DNAJB9: variants seen among roughly 807,000 people sequenced by gnomAD.
DNAJB9 encodes DnaJ heat shock protein family (Hsp40) member B9, also known as dnaJ homolog subfamily B member 9.
DNAJB9 carries 12 observed loss-of-function variants against 19.2 expected under a neutral mutation model. The observed-to-expected ratio is 0.62, with a 90% confidence interval of 0.40 to 1.01. The LOEUF (loss-of-function observed/expected upper bound fraction) is 1.01. DNAJB9 is among the 50% of genes least tolerant of loss of function. The probability of loss-of-function intolerance (pLI) is 0.00; values close to 1 mark genes in which losing one functional copy is unlikely to be tolerated. For missense variants in DNAJB9, 272 were observed against 261.1 expected, an observed-to-expected ratio of 1.04 and a Z score of -0.29; for synonymous variants, 83 against 84.0, an observed-to-expected ratio of 0.99 and a Z score of 0.07.
rs778012425 is a variant in DNAJB9 at position 108,571,756 on chromosome 7, T to C, written c.30T>C (p.Phe10=). The change falls in exon 2 of 3, where the codon TTT becomes TTC. Residue 10 remains phenylalanine, a synonymous_variant. Transcript: ENST00000249356. ...CTACTCCCCAGTCAATTTTCATCTT[T>C]GCAATCTGCATTTTAATGATAACAG... The part of the protein sequence containing the change: MATPQSIFI[F]AICILMITEL... The C allele has an allele frequency of 1.2e-6, 2 of 1,614,036 alleles. No homozygotes were observed. Among genetic ancestry groups the C allele is most frequent in the African/African-American group, 1.3e-5 (1 of 74,936 alleles).
intron 1 of DNAJB9, among the ~76,000 whole-genome samples, chr7:108,570,326 G>C (rs560801666): frequency 6.6e-6 from 1 of 152,268 alleles, no homozygotes; most frequent in South Asian, 2.1e-4. Context: ...TTAGAGCCCG[G>C]GTCTCGGGCA....
Position 108,571,968 on chromosome 7 carries a change from T to A in DNAJB9, c.217+25T>A, listed in dbSNP as rs754895644. ...GGTAAATAAATGACAATCTCTGAAG[T>A]GTCATGGGTATTAACTAGTAAGGAG... On this transcript the variant is annotated intron_variant, in intron 2 of 2. Transcript: ENST00000249356. The A allele has an allele frequency of 2.5e-6, 4 of 1,608,160 alleles. No homozygotes were observed. The East Asian group carries it at 8.9e-5, about 36-fold the overall frequency.
At chr7:108,572,114 C>G in intron 2 of DNAJB9, 171 bp downstream of exon 2, 1 of 576,622 alleles carries the variant, frequency 1.7e-6, no homozygotes, top group Non-Finnish European at 3.0e-6. Context: ...TGCTTTGATT[C>G]CTGAATAAAT....
rs575130641 is a variant in DNAJB9, at chr7:108,574,616, T to A, written c.*1263T>A. On this transcript the variant is annotated 3_prime_UTR_variant, in exon 3 of 3. Transcript: ENST00000249356. ...AATTTTGATAGCTTGAAGATCTTTTTAATTATAATTTTGTTGTATTTGTTT... is the reference window on the plus strand; with the variant it reads ...AATTTTGATAGCTTGAAGATCTTTTAAATTATAATTTTGTTGTATTTGTTT... 56 of 152,350 alleles carry A rather than the reference T, an allele frequency of 3.7e-4. 1 individual carries two copies. The highest frequency in any genetic ancestry group is 1.2e-3 in the East Asian group (6 of 5,192). 9.4% of individuals were successfully genotyped at this position (152,350 alleles called of 1,614,324 possible).
chr7:108,571,835 G>C lies in DNAJB9; in HGVS notation c.109G>C (p.Ala37Pro). The C allele has an allele frequency of 6.2e-7, 1 of 1,614,094 alleles. No homozygotes were observed. The highest frequency in any genetic ancestry group is 8.5e-7 in the Non-Finnish European group (1 of 1,180,008). ...TGATATCTTAGGTGTGCCAAAATCG[G>C]CATCAGAGCGCCAAATCAAGAAGGC... ...YYDILGVPKSASERQIKKAFH... is the reference protein window; with the variant it reads ...YYDILGVPKSPSERQIKKAFH... The change falls in exon 2 of 3, where the codon GCA becomes CCA. Residue 37 changes from alanine to proline, a missense_variant. Ala to Pro is a conservative substitution (Grantham distance 27). Transcript: ENST00000249356.
Position 108,574,703 on chromosome 7 carries a change from G to C in DNAJB9, c.*1350G>C, listed in dbSNP as rs1006658736. On this transcript the variant is annotated 3_prime_UTR_variant, in exon 3 of 3. Transcript: ENST00000249356. ...CTTTAGGCGTGGTTGAGAAAAAGCA[G>C]AAACTTTACATAAAGCTGTATTTCT... The C allele has an allele frequency of 2.0e-5, 3 of 152,140 alleles. No homozygotes were observed. The highest frequency in any genetic ancestry group is 4.4e-5 in the Non-Finnish European group (3 of 68,002). 9.4% of individuals were successfully genotyped at this position (152,140 alleles called of 1,614,324 possible).
In DNAJB9 at chr7:108,573,250, T is replaced by C. The variant is rs1790647900; in HGVS notation, c.569T>C (p.Val190Ala). ...TTTGACTCTACCAATCAGCATACAGTACAGACTGAAAATAGATTTCATGGA... is the reference window on the plus strand; with the variant it reads ...TTTGACTCTACCAATCAGCATACAGCACAGACTGAAAATAGATTTCATGGA... ...SGFDSTNQHT[V>A]QTENRFHGSS... Residue 190 changes from valine to alanine, a missense_variant, in exon 3 of 3, where the codon GTA becomes GCA. Transcript: ENST00000249356. The C allele has an allele frequency of 2.5e-6, 4 of 1,613,852 alleles. No individual in the cohort carries two copies. Among genetic ancestry groups the C allele is most frequent in the Admixed American group, 1.7e-5 (1 of 59,990 alleles).
rs755504350 is a variant in DNAJB9, at chr7:108,573,111, C to T, written c.430C>T (p.Arg144Cys). ...GCGTTTTGAAAATCATTTCCAGACA[C>T]GCCAGGATGGTGGTTCCAGTAGACA... Reference protein sequence around the residue: ...KKRFENHFQTRQDGGSSRQRH... With the variant: ...KKRFENHFQTCQDGGSSRQRH... Residue 144 changes from arginine (R) to cysteine (C), a missense_variant, in exon 3 of 3, where the codon CGC (arginine) becomes TGC (cysteine). Coordinates refer to ENST00000249356, the MANE Select transcript of DNAJB9 (RefSeq NM_012328.3). The T allele has an allele frequency of 2.8e-5, 45 of 1,614,022 alleles. No individual in the cohort carries two copies. Among genetic ancestry groups the T allele is most frequent in the Middle Eastern group, 1.7e-4 (1 of 6,060 alleles).
chr7:108,569,938 G>C lies in DNAJB9; in HGVS notation c.-176G>C, dbSNP rs1352641466. On this transcript the variant is annotated 5_prime_UTR_variant, in exon 1 of 3. Coordinates refer to ENST00000249356, the MANE Select transcript of DNAJB9 (RefSeq NM_012328.3). Reference sequence around the variant, plus strand: ...GCTGGCTGAGAGGGGACTGGGCGCCGGCGGGGAAGGAGGAGCGCTAGGTCG... The same window carrying C: ...GCTGGCTGAGAGGGGACTGGGCGCCCGCGGGGAAGGAGGAGCGCTAGGTCG... 3.7e-5 allele frequency: 13 copies of C among 354,752 alleles called. No homozygotes were observed. Among genetic ancestry groups the C allele is most frequent in the African/African-American group, 2.5e-4 (12 of 48,432 alleles). The allele number at this position is 354,752 out of a possible 1,614,324, so 22.0% of individuals were successfully genotyped here.
intron 1 of DNAJB9, 92 bp from the exon 2 acceptor site, chr7:108,571,625 C>A: frequency 1.0e-6 from 1 of 974,456 alleles, no homozygotes; most frequent in Non-Finnish European, 1.5e-6. Context: ...TTTGATACTG[C>A]ATTAGGTTTA....
At position 108,573,274 on chromosome 7, in the gene DNAJB9, G is replaced by T; in HGVS notation, c.593G>T (p.Gly198Val). Reference sequence around the variant, plus strand: ...GTACAGACTGAAAATAGATTTCATGGATCTAGCAAGCACTGCAGGACTGTC... The same window carrying T: ...GTACAGACTGAAAATAGATTTCATGTATCTAGCAAGCACTGCAGGACTGTC... ...HTVQTENRFH[G>V]SSKHCRTVTQ... Residue 198 changes from glycine (G) to valine (V), a missense_variant, in exon 3 of 3, where the codon GGA (glycine) becomes GTA (valine). Gly to Val is a moderately radical substitution (Grantham distance 109). Transcript: ENST00000249356. 1 of 1,613,772 alleles carries T rather than the reference G, an allele frequency of 6.2e-7. No homozygotes were observed. Among genetic ancestry groups the T allele is most frequent in the African/African-American group, 1.3e-5 (1 of 75,044 alleles).
chr7:108,571,247 A>G lies in DNAJB9; in HGVS notation c.-10-470A>G, dbSNP rs1031893038. Among the ~76,000 whole-genome samples, 7 of 151,556 alleles carry G rather than the reference A, an allele frequency of 4.6e-5. No homozygotes were observed. In the East Asian group the frequency reaches 1.4e-3, roughly 29 times the overall value. Reference sequence around the variant, plus strand: ...GAATTTTTGGAGCGAGATTAATAATACTAATTTAGATATACTGGGCTATTT... The same window carrying G: ...GAATTTTTGGAGCGAGATTAATAATGCTAATTTAGATATACTGGGCTATTT... On this transcript the variant is annotated intron_variant, in intron 1 of 2. Coordinates refer to ENST00000249356, the MANE Select transcript of DNAJB9 (RefSeq NM_012328.3).
chr7:108,570,306 G>C (rs147451091), intron 1 of DNAJB9, among the ~76,000 whole-genome samples: 2 of 152,082 alleles, frequency 1.3e-5, no homozygotes, highest in Admixed American at 1.3e-4. Context: ...CGGCTTTCAC[G>C]GGCGCCGGAT....
rs1790643363 is a variant in DNAJB9 at position 108,573,034 on chromosome 7, T to C, written c.353T>C (p.Leu118Ser). 5 of 1,614,074 alleles carry C rather than the reference T, an allele frequency of 3.1e-6. No individual in the cohort carries two copies. The highest frequency in any genetic ancestry group is 3.4e-6 in the Non-Finnish European group (4 of 1,179,946). ...EQSFNFNFDD[L>S]FKDFGFFGQN... ...TCATTTAACTTCAATTTTGATGACT[T>C]ATTTAAAGACTTTGGCTTTTTTGGT... is the stretch of plus-strand genomic sequence containing the variant. The change falls in exon 3 of 3, where the codon TTA (leucine) becomes TCA (serine). Residue 118 changes from leucine to serine, a missense_variant. By Grantham distance (145) the Leu-to-Ser change is moderately radical (BLOSUM62 -2). Coordinates refer to ENST00000249356, the MANE Select transcript of DNAJB9 (RefSeq NM_012328.3).
rs1171946131 is a variant in DNAJB9 at position 108,572,922 on chromosome 7, A to G, written c.241A>G (p.Asn81Asp). 13 of 1,608,350 alleles carry G rather than the reference A, an allele frequency of 8.1e-6. No individual in the cohort carries two copies. The highest frequency in any genetic ancestry group is 1.0e-5 in the Non-Finnish European group (12 of 1,176,322). ...AEAYETLSDA[N>D]RRKEYDTLGH... ...AGCATATGAAACACTCTCAGATGCT[A>G]ATAGACGAAAAGAGTATGATACACT... Residue 81 changes from asparagine (N) to aspartate (D), a missense_variant, in exon 3 of 3, where the codon AAT (asparagine) becomes GAT (aspartate). Coordinates refer to ENST00000249356, the MANE Select transcript of DNAJB9 (RefSeq NM_012328.3).
At position 108,573,634 on chromosome 7, in the gene DNAJB9, C is replaced by T. The variant is rs1790655741; in HGVS notation, c.*281C>T. On this transcript the variant is annotated 3_prime_UTR_variant, in exon 3 of 3. Transcript: ENST00000249356. Reference sequence around the variant, plus strand: ...CTGCCCTTGGGCTCACTAATATCACCAGTATTATTACCAAGAAAATATTGA... The same window carrying T: ...CTGCCCTTGGGCTCACTAATATCACTAGTATTATTACCAAGAAAATATTGA... 1 of 258,830 alleles carries T rather than the reference C, an allele frequency of 3.9e-6. No individual in the cohort carries two copies. The highest frequency in any genetic ancestry group is 2.2e-5 in the African/African-American group (1 of 45,272). The allele number at this position is 258,830 out of a possible 1,614,324, so 16.0% of individuals were successfully genotyped here.
intron 2 of DNAJB9, among the ~76,000 whole-genome samples, chr7:108,572,322 A>G (rs761755549): frequency 3.3e-5 from 5 of 152,234 alleles, no homozygotes; most frequent in Admixed American, 3.3e-4. Context: ...ACTAGACTCT[A>G]AAGTGCTTTA....
rs1476980861 is a variant in DNAJB9 at position 108,573,812 on chromosome 7, C to T, written c.*459C>T. ...TGTACATGAAACTGTATAATTGAGT[C>T]ATTCAGTAAAGGAGAACAGTATCTT... On this transcript the variant is annotated 3_prime_UTR_variant, in exon 3 of 3. Coordinates refer to ENST00000249356, the MANE Select transcript of DNAJB9 (RefSeq NM_012328.3). The T allele has an allele frequency of 6.5e-6, 1 of 153,232 alleles. No individual in the cohort carries two copies. Among genetic ancestry groups the T allele is most frequent in the Non-Finnish European group, 1.5e-5 (1 of 68,508 alleles). The allele number at this position is 153,232 out of a possible 1,614,324, so 9.5% of individuals were successfully genotyped here.
intron 2 of DNAJB9, 103 bp from the exon 3 acceptor site, chr7:108,572,796 C>T (rs1584293812): frequency 1.1e-6 from 1 of 902,052 alleles, no homozygotes; most frequent in South Asian, 1.9e-5. Context: ...CGAAATTCTT[C>T]CCTAAAATAA....
Sources: allele counts gnomAD v4.1 joint callset (sites outside exome capture counted in the v4.1 genomes callset), GRCh38; gene constraint gnomAD v4.1.1; transcripts MANE v1.5; gene names NCBI Gene and HGNC (gene_info 2026-07-23, HGNC 2026-07-21).